The following PRKG1 variants were observed in gnomAD, a reference collection of about 807,000 sequenced individuals.
PRKG1 encodes protein kinase cGMP-dependent 1, also known as cGMP-dependent protein kinase 1.
Under a neutral mutation model 88.1 loss-of-function variants are expected in PRKG1, and 35 were observed. That is an observed-to-expected ratio of 0.40 (90% CI 0.30 to 0.53). The LOEUF (loss-of-function observed/expected upper bound fraction) is 0.53. Ranked by LOEUF, PRKG1 falls within the 20% of genes least tolerant of loss-of-function variation. The pLI, the probability that PRKG1 is intolerant of heterozygous loss-of-function variation, is 0.59. For missense variants in PRKG1, 540 were observed against 839.8 expected, an observed-to-expected ratio of 0.64 and a Z score of 4.41; for synonymous variants, 303 against 292.5, an observed-to-expected ratio of 1.04 and a Z score of -0.37.
At chr10:51,236,212 A>G (rs1838983815) in intron 2 of PRKG1, among the ~76,000 whole-genome samples, 1 of 152,188 alleles carries the variant, frequency 6.6e-6, no homozygotes, top group South Asian at 2.1e-4. Flanking sequence ...TGGCTACCTC[A>G]TTGACAGGGG....
In PRKG1 at chr10:51,475,692, T is replaced by C. The variant is rs527939391; in HGVS notation, c.592+7856T>C. Reference sequence around the variant, plus strand: ...GTACCAGCTTTCTACATATTATTAATATATTCTTTTGAAGAATAGTGAGAA... The same window carrying C: ...GTACCAGCTTTCTACATATTATTAACATATTCTTTTGAAGAATAGTGAGAA... On this transcript the variant is annotated intron_variant, in intron 3 of 17. Coordinates refer to ENST00000373980, the MANE Select transcript of PRKG1 (RefSeq NM_006258.4). 6.2e-4 allele frequency among the ~76,000 whole-genome samples: 95 copies of C among 152,102 alleles called. 1 individual carries two copies. Among genetic ancestry groups the C allele is most frequent in the African/African-American group, 1.8e-3 (75 of 41,514 alleles).
intron 9 of PRKG1, among the ~76,000 whole-genome samples, chr10:52,211,599 A>G (rs1589703241): frequency 6.6e-6 from 1 of 152,046 alleles, no homozygotes; most frequent in African/African-American, 2.4e-5. Context: ...TAGTTAATTC[A>G]GAGAGACAGT....
chr10:51,933,808 G>T (rs75061647), intron 5 of PRKG1, among the ~76,000 whole-genome samples: 14,275 of 152,054 alleles, frequency 0.094, 847 homozygotes, highest in Non-Finnish European at 0.13. Flanking sequence ...ATAATAAGAA[G>T]AAGAAGATTT....
At chr10:52,188,127 C>T (rs191965341) in intron 9 of PRKG1, among the ~76,000 whole-genome samples, 1 of 150,908 alleles carries the variant, frequency 6.6e-6, no homozygotes, top group East Asian at 2.0e-4. Context: ...ATGGTATGTA[C>T]TAGTGTTGCT....
chr10:51,901,110 T>G (rs966667024), intron 4 of PRKG1, among the ~76,000 whole-genome samples: 5 of 152,166 alleles, frequency 3.3e-5, no homozygotes, highest in African/African-American at 1.2e-4. Flanking sequence ...CCACCATCAC[T>G]TTTGCAGCAT....
chr10:51,111,924 G>A (rs994530589), intron 1 of PRKG1, among the ~76,000 whole-genome samples: 1 of 152,084 alleles, frequency 6.6e-6, no homozygotes, highest in African/African-American at 2.4e-5. Context: ...TGAGCAGTAG[G>A]GGTGCTACTT....
At position 52,081,735 on chromosome 10, in the gene PRKG1, G is replaced by C. The variant is rs1174292552; in HGVS notation, c.935+19104G>C. 1.1e-5 allele frequency: 5 copies of C among 452,972 alleles called. No individual in the cohort carries two copies. In the East Asian group the frequency reaches 3.5e-4, roughly 32 times the overall value. The allele number at this position is 452,972 out of a possible 1,614,324, so 28.1% of individuals were successfully genotyped here. ...ATGGAGCAGGGTAAGGGTGAACAAGGTGGTAGGTTGGAGGAATTTGCAATT... is the reference window on the plus strand; with the variant it reads ...ATGGAGCAGGGTAAGGGTGAACAAGCTGGTAGGTTGGAGGAATTTGCAATT... On this transcript the variant is annotated intron_variant, in intron 7 of 17. Transcript: ENST00000373980.
At chr10:51,011,285 C>G (rs982864554) in intron 1 of PRKG1, among the ~76,000 whole-genome samples, 4 of 152,008 alleles carry the variant, frequency 2.6e-5, no homozygotes, top group Non-Finnish European at 5.9e-5. Flanking sequence ...ATCTTGGACT[C>G]TACCCACCAG....
chr10:52,276,184 C>CCCA (rs1841869193), intron 12 of PRKG1, among the ~76,000 whole-genome samples: 1 of 152,132 alleles, frequency 6.6e-6, no homozygotes, highest in African/African-American at 2.4e-5. Flanking sequence ...ATTTCTTTCT[C>CCCA]TTCTCTGATT....
chr10:52,165,058 A>T (rs1306216728), intron 9 of PRKG1, among the ~76,000 whole-genome samples: 1 of 152,162 alleles, frequency 6.6e-6, no homozygotes, highest in Non-Finnish European at 1.5e-5. Context: ...TTGATGAAAA[A>T]GTCTAAAACC....
chr10:51,670,182 A>G (rs1483946772), intron 3 of PRKG1, among the ~76,000 whole-genome samples: 1 of 152,008 alleles, frequency 6.6e-6, no homozygotes, highest in Non-Finnish European at 1.5e-5. Context: ...ATATTAACAT[A>G]TCTATATATT....
At chr10:51,955,658 C>T (rs1031091805) in intron 5 of PRKG1, among the ~76,000 whole-genome samples, 4 of 152,048 alleles carry the variant, frequency 2.6e-5, no homozygotes, top group South Asian at 2.1e-4. Flanking sequence ...GTCTGGAAAT[C>T]GTTAGTCCAA....
intron 3 of PRKG1, among the ~76,000 whole-genome samples, chr10:51,539,220 A>G (rs533836133): frequency 3.0e-4 from 45 of 152,288 alleles, no homozygotes; most frequent in African/African-American, 1.0e-3. Context: ...ATTCATTGTT[A>G]GGATTTAATT....
At chr10:51,800,633 T>G (rs933404970) in intron 3 of PRKG1, among the ~76,000 whole-genome samples, 21 of 152,114 alleles carry the variant, frequency 1.4e-4, no homozygotes, top group African/African-American at 5.1e-4. Flanking sequence ...TCAAGAACCA[T>G]CTGTACCATA....
At chr10:51,393,527 A>G (rs10997370) in intron 2 of PRKG1, among the ~76,000 whole-genome samples, 1 of 152,366 alleles carries the variant, frequency 6.6e-6, no homozygotes, top group East Asian at 1.9e-4. Context: ...CAAAGGTGGT[A>G]TTTTAATATA....
At chr10:51,433,041 C>A (rs886399655) in intron 2 of PRKG1, among the ~76,000 whole-genome samples, 1 of 152,116 alleles carries the variant, frequency 6.6e-6, no homozygotes, top group African/African-American at 2.4e-5. Flanking sequence ...CCAAGTGAAT[C>A]TTGGGACATT....
intron 2 of PRKG1, among the ~76,000 whole-genome samples, chr10:51,380,489 A>G (rs7911737): frequency 0.03 from 4,499 of 152,236 alleles, 210 homozygotes; most frequent in African/African-American, 0.1. Flanking sequence ...ATAGTAATTA[A>G]AAGTTGTTTG....
intron 2 of PRKG1, among the ~76,000 whole-genome samples, chr10:51,156,323 A>ACACC (rs796364856): frequency 2.0e-5 from 3 of 151,238 alleles, no homozygotes; most frequent in Non-Finnish European, 3.0e-5. Flanking sequence ...AAACACACAC[A>ACACC]CCCGAATGTA....
At chr10:51,411,437 A>G (rs567135206) in intron 2 of PRKG1, among the ~76,000 whole-genome samples, 2 of 152,350 alleles carry the variant, frequency 1.3e-5, no homozygotes, top group African/African-American at 4.8e-5. Context: ...GAAAAGTTAC[A>G]TAATGTTAAA....
Sources: allele counts gnomAD v4.1 joint callset (sites outside exome capture counted in the v4.1 genomes callset), GRCh38; gene constraint gnomAD v4.1.1; transcripts MANE v1.5; gene names NCBI Gene and HGNC (gene_info 2026-07-23, HGNC 2026-07-21).